Variants in CFAP77 observed in about 807,000 individuals in gnomAD.
CFAP77 encodes cilia and flagella associated protein 77, also known as cilia- and flagella-associated protein 77.
Under a neutral mutation model 31.1 loss-of-function variants are expected in CFAP77, and 25 were observed. The ratio of observed to expected loss-of-function variants is 0.80; its 90% CI spans 0.59 to 1.12. CFAP77 has a LOEUF of 1.12. Ranked by LOEUF, CFAP77 falls within the 50% of genes most tolerant of loss-of-function variation. CFAP77 has a pLI of 0.00. For synonymous variants in CFAP77, 151 were observed against 159.9 expected (o/e 0.94, Z 0.42); for missense variants, 377 against 397.3 (o/e 0.95, Z 0.44).
At position 132,459,130 on chromosome 9, in the gene CFAP77, G is replaced by GGT. The variant is rs1850984784; in HGVS notation, c.196-39564_196-39563insTG. On this transcript the variant is annotated intron_variant, in intron 1 of 5. Transcript: ENST00000393216. ...TCTGTTGCCCAGGCTGGAGTGCAGTGGCGTTATCTTGGCTCACTGCAAGCT... is the reference window on the plus strand; with the variant it reads ...TCTGTTGCCCAGGCTGGAGTGCAGTGGTGCGTTATCTTGGCTCACTGCAAGCT... Among the ~76,000 whole-genome samples, 3 of 149,858 alleles carry GGT rather than the reference G, an allele frequency of 2.0e-5. No homozygotes were observed. In the South Asian group the frequency reaches 6.3e-4, roughly 32 times the overall value.
chr9:132,542,848 C>T (rs984010354), intron 4 of CFAP77, 98 bp from the exon 5 acceptor site: 22 of 961,486 alleles, frequency 2.3e-5, no homozygotes, highest in Admixed American at 1.4e-4. Flanking sequence ...GATCTTGCCA[C>T]GCCAAGAATC....
rs914132342 is a variant in CFAP77 at position 132,428,916 on chromosome 9, C to T, written c.195+18450C>T. 4.6e-5 allele frequency among the ~76,000 whole-genome samples: 7 copies of T among 152,138 alleles called. No individual in the cohort carries two copies. In the East Asian group the frequency reaches 9.6e-4, roughly 21 times the overall value. On this transcript the variant is annotated intron_variant, in intron 1 of 5. Coordinates refer to ENST00000393216, the MANE Select transcript of CFAP77 (RefSeq NM_001282957.2). ...ATTGGCTTCTGTCATATCTCATTCA[C>T]ATGTGACTGCTTTGGGCTTGGGTCC... is the stretch of plus-strand genomic sequence containing the variant.
intron 3 of CFAP77, among the ~76,000 whole-genome samples, chr9:132,532,981 C>A (rs555207609): frequency 6.6e-6 from 1 of 152,322 alleles, no homozygotes; most frequent in South Asian, 2.1e-4. Context: ...GCTGTGGATT[C>A]TCTCCCTAGA....
chr9:132,411,982 CAT>C (rs1439996629), intron 1 of CFAP77, among the ~76,000 whole-genome samples: 5 of 152,116 alleles, frequency 3.3e-5, no homozygotes, highest in Admixed American at 3.3e-4. Flanking sequence ...TATACATGTA[CAT>C]ATGTGTAAAA....
At chr9:132,425,582 T>C (rs895928994) in intron 1 of CFAP77, among the ~76,000 whole-genome samples, 2 of 152,178 alleles carry the variant, frequency 1.3e-5, no homozygotes, top group African/African-American at 2.4e-5. Flanking sequence ...CTTGTGTTTT[T>C]TCCCCCCCGA....
At chr9:132,415,480 C>G (rs1005494166) in intron 1 of CFAP77, among the ~76,000 whole-genome samples, 6 of 152,208 alleles carry the variant, frequency 3.9e-5, no homozygotes, top group African/African-American at 1.4e-4. Flanking sequence ...CCTCTTTGTC[C>G]CTCTGAAGAA....
intron 1 of CFAP77, among the ~76,000 whole-genome samples, chr9:132,471,390 C>G (rs769364480): frequency 1.3e-5 from 2 of 152,172 alleles, no homozygotes; most frequent in African/African-American, 4.8e-5. Context: ...CTGCCCACAA[C>G]TCTCTGGTGG....
intron 3 of CFAP77, among the ~76,000 whole-genome samples, chr9:132,526,535 A>G (rs891074628): frequency 8.0e-5 from 10 of 124,912 alleles, no homozygotes. Context: ...CCCGACCGGC[A>G]GTTTCTTAAA....
Position 132,516,657 on chromosome 9 carries a change from T to C in CFAP77, c.524+17057T>C, listed in dbSNP as rs545359088. On this transcript the variant is annotated intron_variant, in intron 3 of 5. Coordinates refer to ENST00000393216, the MANE Select transcript of CFAP77 (RefSeq NM_001282957.2). Reference sequence around the variant, plus strand: ...CGAAATCAGGGAAATCTGAATGACGTTGTTGGACTGTATCAATGCCATTAT... The same window carrying C: ...CGAAATCAGGGAAATCTGAATGACGCTGTTGGACTGTATCAATGCCATTAT... 8.6e-5 allele frequency among the ~76,000 whole-genome samples: 13 copies of C among 151,180 alleles called. 1 individual carries two copies. In the South Asian group the frequency reaches 2.1e-3, roughly 24 times the overall value.
At chr9:132,541,308 T>C (rs1852636729) in intron 4 of CFAP77, among the ~76,000 whole-genome samples, 1 of 152,216 alleles carries the variant, frequency 6.6e-6, no homozygotes, top group Admixed American at 6.5e-5. Context: ...GGCACCCTAT[T>C]GCTAGCAGAA....
At chr9:132,510,688 C>T (rs991407382) in intron 3 of CFAP77, among the ~76,000 whole-genome samples, 9 of 152,176 alleles carry the variant, frequency 5.9e-5, no homozygotes, top group African/African-American at 1.9e-4. Flanking sequence ...ATCATCTCAT[C>T]GTGTGGAGGA....
At chr9:132,510,261 T>C (rs17149221) in intron 3 of CFAP77, among the ~76,000 whole-genome samples, 17,746 of 152,210 alleles carry the variant, frequency 0.12, 1,136 homozygotes, top group African/African-American at 0.17. Flanking sequence ...TGCTCTGCCT[T>C]TGATTTTTCC....
chr9:132,462,642 C>A (rs140914395), intron 1 of CFAP77, among the ~76,000 whole-genome samples: 1 of 151,908 alleles, frequency 6.6e-6, no homozygotes, highest in African/African-American at 2.4e-5. Context: ...GGTAAAACCC[C>A]GTCTCTACCA....
chr9:132,549,898 A>G (rs150608174), intron 5 of CFAP77, among the ~76,000 whole-genome samples: 15 of 152,342 alleles, frequency 9.8e-5, no homozygotes, highest in African/African-American at 3.6e-4. Context: ...CTGGCACCTC[A>G]GAGGTATAGA....
intron 5 of CFAP77, among the ~76,000 whole-genome samples, chr9:132,559,193 A>T (rs1465340396): frequency 3.3e-5 from 5 of 151,484 alleles, no homozygotes; most frequent in African/African-American, 7.3e-5. Flanking sequence ...AAATACAAAA[A>T]AATTAGCTGG....
chr9:132,414,411 CTG>C (rs1850061612), intron 1 of CFAP77, among the ~76,000 whole-genome samples: 1 of 151,986 alleles, frequency 6.6e-6, no homozygotes, highest in African/African-American at 2.4e-5. Flanking sequence ...ACGTTTATAA[CTG>C]TGCAGATAGA....
In CFAP77 at chr9:132,517,776, G is replaced by A. The variant is rs903936970; in HGVS notation, c.524+18176G>A. On this transcript the variant is annotated intron_variant, in intron 3 of 5. Coordinates refer to ENST00000393216, the MANE Select transcript of CFAP77 (RefSeq NM_001282957.2). The surrounding 1 kb of genome is among the most constrained non-coding windows in gnomAD (Gnocchi z 4.7). ...CCCTCATCCCCCGCACACACAAAGT[G>A]TCAGCCTAATGTTTGCAAATGATAA... is the stretch of plus-strand genomic sequence containing the variant. Among the ~76,000 whole-genome samples the A allele has an allele frequency of 2.0e-5, 3 of 152,204 alleles. No homozygotes were observed. Among genetic ancestry groups the A allele is most frequent in the African/African-American group, 4.8e-5 (2 of 41,454 alleles).
intron 1 of CFAP77, among the ~76,000 whole-genome samples, chr9:132,425,995 A>T (rs148079659): frequency 5.8e-4 from 88 of 152,328 alleles, no homozygotes; most frequent in African/African-American, 2.1e-3. Context: ...GAAAATCTAC[A>T]TGAAAGTGAC....
At chr9:132,548,700 C>T (rs1852775560) in intron 5 of CFAP77, among the ~76,000 whole-genome samples, 1 of 151,438 alleles carries the variant, frequency 6.6e-6, no homozygotes, top group Non-Finnish European at 1.5e-5. Flanking sequence ...CCACATTCCC[C>T]TCCCGCCCCC....
Sources: allele counts gnomAD v4.1 joint callset (sites outside exome capture counted in the v4.1 genomes callset), GRCh38; gene constraint gnomAD v4.1.1; non-coding constraint Gnocchi (gnomAD v3.1); transcripts MANE v1.5; gene names NCBI Gene and HGNC (gene_info 2026-07-23, HGNC 2026-07-21).